RPGRIP1: variants seen among roughly 807,000 people sequenced by gnomAD.
The protein encoded by RPGRIP1 is X-linked retinitis pigmentosa GTPase regulator-interacting protein 1.
In RPGRIP1, 128 loss-of-function variants were observed where a neutral mutation model predicts 157.9. The observed-to-expected ratio is 0.81, with a 90% CI of 0.70 to 0.94. The LOEUF is 0.94. Ranked by LOEUF, RPGRIP1 falls within the 40% of genes least tolerant of loss-of-function variation. The pLI, the probability that RPGRIP1 is intolerant of heterozygous loss-of-function variation, is 0.00. For missense variants in RPGRIP1, 1,486 were observed against 1,545.8 expected (o/e 0.96, Z 0.65); for synonymous variants, 554 against 571.6 (o/e 0.97, Z 0.44).
chr14:21,349,773 C>T (rs1046532657), intron 24 of RPGRIP1, among the ~76,000 whole-genome samples: 2 of 152,188 alleles, frequency 1.3e-5, no homozygotes, highest in African/African-American at 4.8e-5. Context: ...ATAGTAAATA[C>T]ATAATACATT....
intron 21 of RPGRIP1, among the ~76,000 whole-genome samples, chr14:21,339,491 A>G (rs1432308560): frequency 1.3e-5 from 2 of 152,170 alleles, no homozygotes; most frequent in Non-Finnish European, 2.9e-5. Flanking sequence ...GGAAGGTGCT[A>G]TGTAATGTTT....
At chr14:21,288,513 T>C (rs1000557159) in intron 2 of RPGRIP1, among the ~76,000 whole-genome samples, 28 of 150,482 alleles carry the variant, frequency 1.9e-4, no homozygotes, top group Admixed American at 1.7e-3. Context: ...AGTTCTTTTT[T>C]TTTTTCTTTT....
intron 2 of RPGRIP1, among the ~76,000 whole-genome samples, chr14:21,289,444 T>C (rs1385200752): frequency 1.3e-5 from 2 of 152,042 alleles, no homozygotes; most frequent in African/African-American, 4.8e-5. Context: ...GAGTCCAAGA[T>C]CAGTCTGGGC....
chr14:21,321,532 A>G, intron 13 of RPGRIP1, 130 bp downstream of exon 13: 1 of 1,456,252 alleles, frequency 6.9e-7, no homozygotes, highest in Non-Finnish European at 9.0e-7. Context: ...GAGCAAACAC[A>G]CAATGGCTGT....
At chr14:21,285,107 G>GACAATAAACTAGT (rs1880253705) in intron 1 of RPGRIP1, among the ~76,000 whole-genome samples, 1 of 151,926 alleles carries the variant, frequency 6.6e-6, no homozygotes, top group African/African-American at 2.4e-5. Context: ...AGAGGGGACA[G>GACAATAAACTAGT]ACAATAAACT....
intron 7 of RPGRIP1, among the ~76,000 whole-genome samples, chr14:21,309,518 A>T (rs916141650): frequency 6.6e-6 from 1 of 152,164 alleles, no homozygotes; most frequent in Admixed American, 6.6e-5. Flanking sequence ...AAAAAAAGAA[A>T]AAAGAAAAGG....
intron 8 of RPGRIP1, chr14:21,310,861 T>C (rs1030689150): frequency 1.5e-6 from 1 of 673,012 alleles, no homozygotes; most frequent in Non-Finnish European, 2.8e-6. Flanking sequence ...TTTAAGCCTA[T>C]TGCTGGAGCA....
At chr14:21,298,028 G>A (rs1035736232) in intron 3 of RPGRIP1, among the ~76,000 whole-genome samples, 1 of 151,958 alleles carries the variant, frequency 6.6e-6, no homozygotes, top group East Asian at 1.9e-4. Context: ...GCCATGATTG[G>A]TAAAGAAGTT....
At chr14:21,337,952 T>G (rs912198612) in intron 21 of RPGRIP1, among the ~76,000 whole-genome samples, 15 of 151,864 alleles carry the variant, frequency 9.9e-5, no homozygotes, top group Non-Finnish European at 2.1e-4. Context: ...AGTCTTGCTC[T>G]GTCACCCAGG....
intron 24 of RPGRIP1, among the ~76,000 whole-genome samples, chr14:21,349,390 A>C (rs1170014117): frequency 1.7e-5 from 2 of 117,942 alleles, no homozygotes; most frequent in Non-Finnish European, 3.4e-5. Context: ...TAATTACTAT[A>C]ATTTCTTTCT....
chr14:21,315,617 G>T (rs1321223313), intron 10 of RPGRIP1, among the ~76,000 whole-genome samples: 1 of 152,008 alleles, frequency 6.6e-6, no homozygotes, highest in Non-Finnish European at 1.5e-5. Context: ...ATGTTCTTCA[G>T]CTCAGTGAAA....
intron 24 of RPGRIP1, among the ~76,000 whole-genome samples, chr14:21,349,677 T>G (rs1885979480): frequency 6.6e-6 from 1 of 152,146 alleles, no homozygotes; most frequent in African/African-American, 2.4e-5. Context: ...GTGCTGGGAT[T>G]ACAGGCGTGA....
chr14:21,299,516 T>G (rs901434414), intron 3 of RPGRIP1, among the ~76,000 whole-genome samples: 1 of 152,172 alleles, frequency 6.6e-6, no homozygotes, highest in Non-Finnish European at 1.5e-5. Context: ...GGTATAATGA[T>G]ATGTAATAAT....
chr14:21,292,765 C>A (rs1343411484), intron 2 of RPGRIP1, among the ~76,000 whole-genome samples: 2 of 152,126 alleles, frequency 1.3e-5, no homozygotes, highest in Admixed American at 6.6e-5. Context: ...TTGCTTGAAC[C>A]TGGGAGACAG....
intron 7 of RPGRIP1, among the ~76,000 whole-genome samples, chr14:21,308,686 G>C (rs1881417526): frequency 1.3e-5 from 2 of 152,214 alleles, no homozygotes; most frequent in Admixed American, 6.5e-5. Flanking sequence ...AGAAACAAGG[G>C]AGAAGAAAGA....
chr14:21,345,835 T>C (rs1885511255), intron 23 of RPGRIP1, among the ~76,000 whole-genome samples: 1 of 152,010 alleles, frequency 6.6e-6, no homozygotes, highest in Admixed American at 6.6e-5. Context: ...TCTTCTTTTT[T>C]TTGAGACAGT....
chr14:21,330,388 G>A lies in RPGRIP1; in HGVS notation c.3238+1G>A, dbSNP rs1325103400. 3.3e-6 allele frequency: 5 copies of A among 1,497,254 alleles called. No individual in the cohort carries two copies. Among genetic ancestry groups the A allele is most frequent in the Non-Finnish European group, 4.4e-6 (5 of 1,129,474 alleles). 92.7% of individuals were successfully genotyped at this position (1,497,254 alleles called of 1,614,324 possible). A position where few individuals can be genotyped will look rare whatever the true frequency, so the allele number is the denominator to read the frequency against. On this transcript the variant is annotated splice_donor_variant, in intron 20 of 24. Coordinates refer to ENST00000400017, the MANE Select transcript of RPGRIP1 (RefSeq NM_020366.4). LOFTEE classifies it high-confidence loss of function. ...AAGGAACCTCTACATCCTGTAAATGGTATTGTCTTTTAAAATCTATTTTTT... is the reference window on the plus strand; with the variant it reads ...AAGGAACCTCTACATCCTGTAAATGATATTGTCTTTTAAAATCTATTTTTT...
At chr14:21,288,522 T>G (rs1322213628) in intron 2 of RPGRIP1, among the ~76,000 whole-genome samples, 1 of 151,210 alleles carries the variant, frequency 6.6e-6, no homozygotes, top group Non-Finnish European at 1.5e-5. Context: ...TTTTTTTCTT[T>G]TTTTTGAGAT....
intron 12 of RPGRIP1, 67 bp from the exon 13 acceptor site, chr14:21,321,192 T>G: frequency 6.7e-7 from 1 of 1,500,762 alleles, no homozygotes; most frequent in Non-Finnish European, 9.0e-7. Flanking sequence ...AACTGTTTTA[T>G]GGAGAATCAT....
Sources: allele counts gnomAD v4.1 joint callset (sites outside exome capture counted in the v4.1 genomes callset), GRCh38; gene constraint gnomAD v4.1.1; transcripts MANE v1.5; gene names NCBI Gene and HGNC (gene_info 2026-07-23, HGNC 2026-07-21).